Variants in SDC3 observed in about 807,000 individuals in gnomAD.
SDC3 encodes syndecan-3.
In SDC3, 13 loss-of-function variants were observed where a neutral mutation model predicts 24.4. The observed-to-expected ratio is 0.53, with a 90% confidence interval of 0.35 to 0.85. SDC3 has a LOEUF of 0.85. Among genes scored for constraint, SDC3 ranks in the 40% least tolerant of loss-of-function variants. SDC3 has a pLI of 0.01. For synonymous variants in SDC3, 295 were observed against 260.9 expected (o/e 1.13, Z -1.26); for missense variants, 571 against 584.5 (o/e 0.98, Z 0.24).
At position 30,869,548 on chromosome 1, in the gene SDC3, A is replaced by AC. The variant is rs1639494303; in HGVS notation, c.*3662_*3663insG. 2.5e-6 allele frequency: 1 copy of AC among 397,560 alleles called. No homozygotes were observed. Among genetic ancestry groups the AC allele is most frequent in the Non-Finnish European group, 4.4e-6 (1 of 225,862 alleles). 24.6% of individuals were successfully genotyped at this position (397,560 alleles called of 1,614,324 possible). ...AAAAACAAACAAACAAAAAAAAAAA[A>AC]AAAAAAAAAAAAACAAAAACAAAAC... is the stretch of plus-strand genomic sequence containing the variant. On this transcript the variant is annotated 3_prime_UTR_variant, in exon 5 of 5. Coordinates refer to ENST00000339394, the MANE Select transcript of SDC3 (RefSeq NM_014654.4).
At chr1:30,906,860 G>A (rs1638528571) in intron 1 of SDC3, among the ~76,000 whole-genome samples, 1 of 152,322 alleles carries the variant, frequency 6.6e-6, no homozygotes, top group East Asian at 1.9e-4. Context: ...CTGCTAGGGT[G>A]TGCTGGGTCT....
intron 1 of SDC3, among the ~76,000 whole-genome samples, chr1:30,898,324 C>T (rs559999654): frequency 1.2e-4 from 18 of 152,272 alleles, no homozygotes; most frequent in Middle Eastern, 3.4e-3. Context: ...GTACAAAGGA[C>T]GCCTCCTCCA....
In SDC3 at chr1:30,874,395, C is replaced by T. The variant is rs201560193; in HGVS notation, c.1064G>A (p.Arg355His). 4.3e-5 allele frequency: 69 copies of T among 1,614,046 alleles called. No homozygotes were observed. In the East Asian group the frequency reaches 9.1e-4, roughly 21 times the overall value. Residue 355 changes from arginine (R) to histidine (H), a missense_variant, in exon 4 of 5, where the codon CGC becomes CAC. Coordinates refer to ENST00000339394, the MANE Select transcript of SDC3 (RefSeq NM_014654.4). ...SPPGTLPKGA[R>H]PGPGLLDNAI... is the part of the protein sequence containing the mutation. ...ATTGTCCAGGAGGCCAGGGCCCGGG[C>T]GGGCACCCTTGGGCAGTGTCCCAGG...
intron 1 of SDC3, among the ~76,000 whole-genome samples, chr1:30,894,304 GGT>G (rs1348992582): frequency 3.1e-5 from 4 of 130,926 alleles, no homozygotes; most frequent in Non-Finnish European, 4.8e-5. Flanking sequence ...AGTGTGTGGG[GGT>G]GTGTGTGCAT....
intron 1 of SDC3, among the ~76,000 whole-genome samples, chr1:30,902,359 T>C (rs572926556): frequency 6.6e-6 from 1 of 151,144 alleles, no homozygotes; most frequent in South Asian, 2.1e-4. Flanking sequence ...GGGAGGGGAG[T>C]GGCTGCCCCT....
chr1:30,884,414 G>A (rs1639798570), intron 1 of SDC3, among the ~76,000 whole-genome samples: 1 of 152,032 alleles, frequency 6.6e-6, no homozygotes, highest in Non-Finnish European at 1.5e-5. Flanking sequence ...GGCAGGAAAT[G>A]TTCCCTTTGG....
Position 30,873,100 on chromosome 1 carries a change from G to A in SDC3, c.*111C>T, listed in dbSNP as rs1639569237. The A allele has an allele frequency of 2.6e-6, 2 of 783,750 alleles. No individual in the cohort carries two copies. The highest frequency in any genetic ancestry group is 3.4e-5 in the African/African-American group (2 of 58,176). 48.5% of individuals were successfully genotyped at this position (783,750 alleles called of 1,614,324 possible). On this transcript the variant is annotated 3_prime_UTR_variant, in exon 5 of 5. Coordinates refer to ENST00000339394, the MANE Select transcript of SDC3 (RefSeq NM_014654.4). ...GGCAGACCTTGGGAGAGAGGGCAGAGAAGAACTGGGGCCAGGTTCCAGGCC... is the reference window on the plus strand; with the variant it reads ...GGCAGACCTTGGGAGAGAGGGCAGAAAAGAACTGGGGCCAGGTTCCAGGCC...
chr1:30,874,618 A>C, intron 3 of SDC3, 30 bp from the exon 4 acceptor site: 1 of 1,603,532 alleles, frequency 6.2e-7, no homozygotes, highest in Non-Finnish European at 8.5e-7. Context: ...AGCCCAGGAC[A>C]ACCACACATG....
chr1:30,879,384 G>A (rs1300788611), intron 1 of SDC3, among the ~76,000 whole-genome samples: 1 of 152,188 alleles, frequency 6.6e-6, no homozygotes, highest in Non-Finnish European at 1.5e-5. Flanking sequence ...GTCATGGAGT[G>A]GAACAATTAG....
At chr1:30,906,048 C>T (rs542871873) in intron 1 of SDC3, among the ~76,000 whole-genome samples, 5 of 152,078 alleles carry the variant, frequency 3.3e-5, no homozygotes, top group Non-Finnish European at 7.4e-5. Flanking sequence ...CCTGTGCCAG[C>T]CACCGCTCAT....
At chr1:30,879,035 T>G in intron 1 of SDC3, 1 of 328,326 alleles carries the variant, frequency 3.0e-6, no homozygotes. Context: ...AAAACTAAAT[T>G]CAGTGGTTCA....
At position 30,876,615 on chromosome 1, in the gene SDC3, G is replaced by A. The variant is rs1330945200; in HGVS notation, c.807C>T (p.Asp269=). The A allele has an allele frequency of 1.3e-6, 2 of 1,563,422 alleles. No homozygotes were observed. Among genetic ancestry groups the A allele is most frequent in the East Asian group, 2.2e-5 (1 of 44,512 alleles). The change falls in exon 3 of 5, where the codon GAC becomes GAT. Residue 269 remains aspartate (D), a synonymous_variant. Transcript: ENST00000339394. ...LPRPATTQEP[D]IPERSTLPLG... ...GGGGCAGGGTGCTCCTCTCAGGGAT[G>A]TCAGGCTCCTGGGTGGTGGCCGGCC...
At chr1:30,894,597 GGGT>G (rs1639971047) in intron 1 of SDC3, among the ~76,000 whole-genome samples, 1 of 144,576 alleles carries the variant, frequency 6.9e-6, no homozygotes, top group Admixed American at 6.9e-5. Flanking sequence ...ACGTGTGTGT[GGGT>G]GTGTGTGGAT....
chr1:30,893,647 G>C (rs189129764), intron 1 of SDC3, among the ~76,000 whole-genome samples: 3 of 152,056 alleles, frequency 2.0e-5, no homozygotes, highest in East Asian at 3.9e-4. Flanking sequence ...AGTCAGAAAT[G>C]CTCTGATCAA....
At position 30,869,541 on chromosome 1, in the gene SDC3, A is replaced by AAC. The variant is rs1639491830; in HGVS notation, c.*3669_*3670insGT. On this transcript the variant is annotated 3_prime_UTR_variant, in exon 5 of 5. Transcript: ENST00000339394. ...GTGTTAAAAAAACAAACAAACAAAA[A>AAC]AAAAAAAAAAAAAAAAAAAACAAAA... is the stretch of plus-strand genomic sequence containing the variant. 1 of 348,044 alleles carries AAC rather than the reference A, an allele frequency of 2.9e-6. No homozygotes were observed. Among genetic ancestry groups the AAC allele is most frequent in the East Asian group, 4.0e-5 (1 of 24,840 alleles). 21.6% of individuals were successfully genotyped at this position (348,044 alleles called of 1,614,324 possible). A position where few individuals can be genotyped will look rare whatever the true frequency, so the allele number is the denominator to read the frequency against.
Position 30,908,429 on chromosome 1 carries a change from T to C in SDC3, c.138+20A>G. 3 of 1,019,070 alleles carry C rather than the reference T, an allele frequency of 2.9e-6. No individual in the cohort carries two copies. The highest frequency in any genetic ancestry group is 3.5e-6 in the Non-Finnish European group (3 of 853,814). 63.1% of individuals were successfully genotyped at this position (1,019,070 alleles called of 1,614,324 possible). On this transcript the variant is annotated intron_variant, in intron 1 of 4. Transcript: ENST00000339394. Reference sequence around the variant, plus strand: ...CGGCCCCGGGGAGCCGTGGCGGGGATCCGGGCGCGTGTCACTCACCCCCGC... The same window carrying C: ...CGGCCCCGGGGAGCCGTGGCGGGGACCCGGGCGCGTGTCACTCACCCCCGC...
At chr1:30,891,450 T>C (rs1469594779) in intron 1 of SDC3, among the ~76,000 whole-genome samples, 1 of 152,198 alleles carries the variant, frequency 6.6e-6, no homozygotes, top group Non-Finnish European at 1.5e-5. Flanking sequence ...CAGGCCTTTG[T>C]CTGGAAGGTG....
chr1:30,906,152 C>T (rs574581364), intron 1 of SDC3, among the ~76,000 whole-genome samples: 2 of 152,190 alleles, frequency 1.3e-5, no homozygotes, highest in Admixed American at 6.5e-5. Context: ...CCCTCTGGTG[C>T]GGAACCCCGG....
Position 30,898,125 on chromosome 1 carries a change from T to C in SDC3, c.138+10324A>G, listed in dbSNP as rs552980346. Among the ~76,000 whole-genome samples the C allele has an allele frequency of 1.2e-3, 177 of 152,220 alleles. 1 individual carries two copies. Among genetic ancestry groups the C allele is most frequent in the African/African-American group, 4.1e-3 (172 of 41,550 alleles). ...ACACCCACCAGGTACCTGGTGACTG[T>C]GTGTTAAAGGCATGAAACACACTCT... On this transcript the variant is annotated intron_variant, in intron 1 of 4. Transcript: ENST00000339394.
Sources: allele counts gnomAD v4.1 joint callset (sites outside exome capture counted in the v4.1 genomes callset), GRCh38; gene constraint gnomAD v4.1.1; transcripts MANE v1.5; gene names NCBI Gene and HGNC (gene_info 2026-07-23, HGNC 2026-07-21).